Variants in LDLRAD4 observed in about 807,000 individuals in gnomAD.
LDLRAD4 encodes low density lipoprotein receptor class A domain containing 4.
Under a neutral mutation model 17.0 loss-of-function variants are expected in LDLRAD4, and 5 were observed. The ratio of observed to expected loss-of-function variants is 0.29; its 90% CI spans 0.15 to 0.62. The LOEUF is 0.62. Ranked by LOEUF, LDLRAD4 falls within the 20% of genes least tolerant of loss-of-function variation. The probability of loss-of-function intolerance (pLI) is 0.84; values close to 1 mark genes in which losing one functional copy is unlikely to be tolerated. For missense variants in LDLRAD4, 340 were observed against 424.7 expected (o/e 0.80, Z 1.75); for synonymous variants, 168 against 171.8 (o/e 0.98, Z 0.17).
chr18:13,284,313 G>A (rs987509909), intron 1 of LDLRAD4, among the ~76,000 whole-genome samples: 10 of 152,168 alleles, frequency 6.6e-5, no homozygotes, highest in African/African-American at 1.2e-4. Context: ...CCTGGGCCTC[G>A]TCTCCGCCTG....
At chr18:13,641,760 C>A in intron 4 of LDLRAD4, 1 of 985,430 alleles carries the variant, frequency 1.0e-6, no homozygotes. Flanking sequence ...AGCCGAGGGC[C>A]GGGCCTCGGG....
intron 1 of LDLRAD4, among the ~76,000 whole-genome samples, chr18:13,302,961 C>G (rs2046690813): frequency 6.6e-6 from 1 of 152,242 alleles, no homozygotes; most frequent in South Asian, 2.1e-4. Flanking sequence ...AAAATGAGAA[C>G]TTGGCCATGG....
At position 13,581,750 on chromosome 18, in the gene LDLRAD4, A is replaced by G. The variant is rs116045001; in HGVS notation, c.182-39367A>G. Among the ~76,000 whole-genome samples, 1,198 of 152,036 alleles carry G rather than the reference A, an allele frequency of 7.9e-3. 19 individuals carry two copies. The highest frequency in any genetic ancestry group is 0.028 in the African/African-American group (1,154 of 41,470). On this transcript the variant is annotated intron_variant, in intron 3 of 5. Transcript: ENST00000359446. ...GGCATGTATACAGACAAAGCTGAGGACTTTCTGCACTGCTGGATCTGAGAA... is the reference window on the plus strand; with the variant it reads ...GGCATGTATACAGACAAAGCTGAGGGCTTTCTGCACTGCTGGATCTGAGAA...
chr18:13,360,765 G>A (rs1182201349), intron 1 of LDLRAD4, among the ~76,000 whole-genome samples: 2 of 152,216 alleles, frequency 1.3e-5, no homozygotes, highest in African/African-American at 4.8e-5. Flanking sequence ...CTTCTCCCTG[G>A]TGTGGAAACT....
At chr18:13,612,515 A>G in intron 3 of LDLRAD4, 1 of 1,422,570 alleles carries the variant, frequency 7.0e-7, no homozygotes, top group Non-Finnish European at 9.2e-7. Flanking sequence ...GATACAGTAG[A>G]GAGAGAGTGA....
At chr18:13,337,621 G>T (rs983445620) in intron 1 of LDLRAD4, among the ~76,000 whole-genome samples, 2 of 151,920 alleles carry the variant, frequency 1.3e-5, no homozygotes, top group African/African-American at 2.4e-5. Flanking sequence ...GTCGGCGGGG[G>T]GCAGTGGCTC....
At position 13,440,945 on chromosome 18, in the gene LDLRAD4, G is replaced by A. The variant is rs921667754; in HGVS notation, c.181+2561G>A. 6.6e-6 allele frequency among the ~76,000 whole-genome samples: 1 copy of A among 152,212 alleles called. No individual in the cohort carries two copies. The highest frequency in any genetic ancestry group is 2.4e-5 in the African/African-American group (1 of 41,456). ...TGGGGAAGGCTGCCACCTGGCCTGT[G>A]GCTGCCCCCTACGTTCCCCTCAGGT... On this transcript the variant is annotated intron_variant, in intron 3 of 5. Transcript: ENST00000359446. This position sits in a 1 kb window ranked among gnomAD's most constrained non-coding sequence, Gnocchi z 4.4.
chr18:13,272,812 G>T (rs899244759), intron 1 of LDLRAD4, among the ~76,000 whole-genome samples: 3 of 152,236 alleles, frequency 2.0e-5, no homozygotes, highest in Admixed American at 2.0e-4. Flanking sequence ...CTTGACTGGG[G>T]TTACCATGAC....
chr18:13,607,175 A>G (rs933400153), intron 3 of LDLRAD4, among the ~76,000 whole-genome samples: 23 of 152,224 alleles, frequency 1.5e-4, no homozygotes, highest in Non-Finnish European at 4.4e-5. Context: ...GAGTCAGACT[A>G]TCCCGGCTCC....
At chr18:13,438,335 A>G in exon 3 of LDLRAD4, 1 of 1,613,234 alleles carries the variant, frequency 6.2e-7, no homozygotes, top group South Asian at 1.1e-5. Flanking sequence ...ACAGTGACGA[A>G]GAGAACTGTC....
intron 1 of LDLRAD4, among the ~76,000 whole-genome samples, chr18:13,289,390 A>G (rs2045838313): frequency 1.3e-5 from 2 of 152,230 alleles, no homozygotes. Context: ...AGCATTTTGT[A>G]GATTGCAGAA....
rs1276250991 is a variant in LDLRAD4 at position 13,531,410 on chromosome 18, G to A, written c.182-89707G>A. On this transcript the variant is annotated intron_variant, in intron 3 of 5. Transcript: ENST00000359446. ...GGACTGCTTGACCCCAGGAGTTTGA[G>A]ACCAGCCTGGGCAACATAGTGAGAC... is the stretch of plus-strand genomic sequence containing the variant. Among the ~76,000 whole-genome samples the A allele has an allele frequency of 2.0e-5, 3 of 147,302 alleles. No individual in the cohort carries two copies. In the Admixed American group the frequency reaches 2.1e-4, roughly 10 times the overall value.
intron 1 of LDLRAD4, among the ~76,000 whole-genome samples, chr18:13,342,477 CTTTTTTTTTTTTTT>C (rs10706515): frequency 5.2e-5 from 2 of 38,668 alleles, no homozygotes; most frequent in Non-Finnish European, 9.4e-5. Context: ...GCCTTCCTGT[CTTTTTTTTTTTTTT>C]TTTTTTTTTT....
chr18:13,333,372 C>T (rs186176491), intron 1 of LDLRAD4, among the ~76,000 whole-genome samples: 7 of 152,286 alleles, frequency 4.6e-5, no homozygotes, highest in East Asian at 1.9e-4. Context: ...CTTGTGTTCT[C>T]ATTCTCTTGG....
intron 3 of LDLRAD4, among the ~76,000 whole-genome samples, chr18:13,452,163 G>A (rs79969956): frequency 6.0e-4 from 92 of 152,260 alleles, no homozygotes; most frequent in African/African-American, 2.1e-3. Flanking sequence ...CTGTGCCTTT[G>A]GGATTATGTA....
chr18:13,383,413 G>A (rs773035260), intron 1 of LDLRAD4, among the ~76,000 whole-genome samples: 2 of 152,152 alleles, frequency 1.3e-5, no homozygotes, highest in Admixed American at 6.5e-5. Context: ...CAGGTGCTGC[G>A]GGTTGTGTAG....
chr18:13,318,675 C>T (rs1309314852), intron 1 of LDLRAD4, among the ~76,000 whole-genome samples: 4 of 152,172 alleles, frequency 2.6e-5, no homozygotes, highest in African/African-American at 7.2e-5. Context: ...CTTAATGTGC[C>T]GCTAGGCATT....
At chr18:13,434,642 G>A (rs191686466) in intron 2 of LDLRAD4, among the ~76,000 whole-genome samples, 368 of 152,272 alleles carry the variant, frequency 2.4e-3, no homozygotes, top group Non-Finnish European at 3.5e-3. Context: ...GTCTGTCAAA[G>A]TGTAGTTTAG....
intron 3 of LDLRAD4, among the ~76,000 whole-genome samples, chr18:13,539,826 C>G (rs1402087671): frequency 6.6e-6 from 1 of 152,108 alleles, no homozygotes; most frequent in African/African-American, 2.4e-5. Flanking sequence ...AAAAAAGAAA[C>G]CCATAGTGCA....
Sources: allele counts gnomAD v4.1 joint callset (sites outside exome capture counted in the v4.1 genomes callset), GRCh38; gene constraint gnomAD v4.1.1; non-coding constraint Gnocchi (gnomAD v3.1); transcripts MANE v1.5; gene names NCBI Gene and HGNC (gene_info 2026-07-23, HGNC 2026-07-21).